CDH18: variants seen among roughly 807,000 people sequenced by gnomAD.
The protein encoded by CDH18 is cadherin-18.
In CDH18, 31 loss-of-function variants were observed where a neutral mutation model predicts 67.9. The ratio of observed to expected loss-of-function variants is 0.46; its 90% CI spans 0.34 to 0.62. CDH18 has a LOEUF of 0.62. CDH18 is among the 20% of genes least tolerant of loss of function. The probability of loss-of-function intolerance (pLI) is 0.01; values close to 1 mark genes in which losing one functional copy is unlikely to be tolerated. For missense variants in CDH18, 890 were observed against 975.5 expected, an observed-to-expected ratio of 0.91 and a Z score of 1.17; for synonymous variants, 362 against 347.2, an observed-to-expected ratio of 1.04 and a Z score of -0.48.
At chr5:19,783,962 T>C (rs1775414866) in intron 3 of CDH18, among the ~76,000 whole-genome samples, 1 of 152,126 alleles carries the variant, frequency 6.6e-6, no homozygotes. Context: ...GCCCTTTATA[T>C]ACAAAAATCC....
intron 1 of CDH18, among the ~76,000 whole-genome samples, chr5:20,526,474 A>G (rs980820665): frequency 1.3e-5 from 2 of 152,020 alleles, no homozygotes; most frequent in Non-Finnish European, 2.9e-5. Flanking sequence ...AGATCTCCCA[A>G]CAGGGGTTTC....
intron 10 of CDH18, among the ~76,000 whole-genome samples, chr5:19,514,181 G>C (rs1479479669): frequency 6.6e-6 from 1 of 151,870 alleles, no homozygotes; most frequent in Non-Finnish European, 1.5e-5. Flanking sequence ...GGAACTCATC[G>C]TTTTTATGGC....
intron 1 of CDH18, among the ~76,000 whole-genome samples, chr5:20,544,402 T>C (rs531679549): frequency 1.3e-5 from 2 of 152,264 alleles, no homozygotes; most frequent in South Asian, 4.1e-4. Flanking sequence ...ATATATATCA[T>C]ATTAATCTGT....
chr5:19,969,010 A>T (rs1364319641), intron 2 of CDH18, among the ~76,000 whole-genome samples: 1 of 135,498 alleles, frequency 7.4e-6, no homozygotes, highest in Non-Finnish European at 1.5e-5. Flanking sequence ...AAAAACAAAC[A>T]ACCCCATCAA....
intron 2 of CDH18, among the ~76,000 whole-genome samples, chr5:19,844,413 T>C (rs1359729851): frequency 6.6e-6 from 1 of 152,136 alleles, no homozygotes; most frequent in Middle Eastern, 3.2e-3. Flanking sequence ...TTCTCTCTCC[T>C]GTAGACTTGT....
At chr5:19,625,157 C>T (rs1180706699) in intron 5 of CDH18, among the ~76,000 whole-genome samples, 3 of 152,170 alleles carry the variant, frequency 2.0e-5, no homozygotes, top group East Asian at 3.9e-4. Context: ...CAGGTAATTG[C>T]TGTCCTCATA....
At chr5:20,159,244 A>G (rs2126604463) in intron 2 of CDH18, among the ~76,000 whole-genome samples, 2 of 152,314 alleles carry the variant, frequency 1.3e-5, no homozygotes, top group Middle Eastern at 6.8e-3. Context: ...ATGTCTAAAA[A>G]GAAATGACTA....
intron 2 of CDH18, among the ~76,000 whole-genome samples, chr5:20,036,602 G>A (rs188135692): frequency 5.7e-4 from 87 of 152,030 alleles, no homozygotes; most frequent in African/African-American, 2.0e-3. Flanking sequence ...AGCTTAATAG[G>A]GATCCATAGT....
intron 2 of CDH18, among the ~76,000 whole-genome samples, chr5:19,900,738 C>T (rs1789860480): frequency 6.6e-6 from 1 of 152,018 alleles, no homozygotes; most frequent in Admixed American, 6.5e-5. Flanking sequence ...TAGTGTTTTG[C>T]TTATGGTTAC....
At chr5:20,064,876 C>T (rs1742836481) in intron 2 of CDH18, among the ~76,000 whole-genome samples, 1 of 152,086 alleles carries the variant, frequency 6.6e-6, no homozygotes, top group East Asian at 1.9e-4. Context: ...CTACAAAGTA[C>T]AGGACCACAT....
chr5:20,273,786 A>G (rs1745609055), intron 1 of CDH18, among the ~76,000 whole-genome samples: 1 of 152,182 alleles, frequency 6.6e-6, no homozygotes, highest in Non-Finnish European at 1.5e-5. Context: ...TATAGCAATA[A>G]CATCAAACCT....
chr5:19,562,563 T>C (rs1016183260), intron 8 of CDH18, among the ~76,000 whole-genome samples: 2 of 152,150 alleles, frequency 1.3e-5, no homozygotes, highest in Non-Finnish European at 2.9e-5. Context: ...GAAAATACTT[T>C]TAATACTTTG....
intron 3 of CDH18, among the ~76,000 whole-genome samples, chr5:19,797,148 C>T (rs1292204842): frequency 1.3e-5 from 2 of 151,854 alleles, no homozygotes; most frequent in Admixed American, 6.6e-5. Flanking sequence ...AAAAAAATTA[C>T]TTCAAATTCA....
chr5:19,724,158 T>C, intron 4 of CDH18, among the ~76,000 whole-genome samples: 1 of 152,184 alleles, frequency 6.6e-6, no homozygotes, highest in East Asian at 1.9e-4. Flanking sequence ...GGTACATTCA[T>C]ACTATGAAAT....
chr5:19,904,602 G>A (rs909505687), intron 2 of CDH18, among the ~76,000 whole-genome samples: 4 of 152,148 alleles, frequency 2.6e-5, no homozygotes, highest in Admixed American at 2.6e-4. Flanking sequence ...ATCACTCTGT[G>A]TCTAACTGCG....
At chr5:20,202,762 A>C (rs933768776) in intron 2 of CDH18, among the ~76,000 whole-genome samples, 3 of 151,850 alleles carry the variant, frequency 2.0e-5, no homozygotes, top group African/African-American at 7.3e-5. Flanking sequence ...TTTTACTTTA[A>C]TGTACATACT....
chr5:20,380,787 CAG>C lies in CDH18; in HGVS notation c.-579-125284_-579-125283del, dbSNP rs1162614074. The stretch of plus-strand genomic sequence containing the variant: ...TAAACAAAATTAAAAATGGAGTTAA[CAG>C]ATAATATTTCAAAAAGGAACAGGAT... On this transcript the variant is annotated intron_variant, in intron 1 of 14. Transcript: ENST00000507958. Among the ~76,000 whole-genome samples the C allele has an allele frequency of 2.0e-5, 3 of 152,062 alleles. No homozygotes were observed. The East Asian group carries it at 5.8e-4, about 29-fold the overall frequency.
At chr5:19,951,673 C>T (rs1288181174) in intron 2 of CDH18, among the ~76,000 whole-genome samples, 4 of 151,952 alleles carry the variant, frequency 2.6e-5, no homozygotes, top group Admixed American at 6.6e-5. Context: ...AAAATGATTG[C>T]GTTTTTAGGA....
intron 2 of CDH18, among the ~76,000 whole-genome samples, chr5:19,969,079 A>G (rs1386025572): frequency 7.1e-6 from 1 of 141,418 alleles, no homozygotes; most frequent in Non-Finnish European, 1.5e-5. Context: ...TGCAGCCAAA[A>G]TACACATGAA....
Sources: allele counts gnomAD v4.1 joint callset (sites outside exome capture counted in the v4.1 genomes callset), GRCh38; gene constraint gnomAD v4.1.1; transcripts MANE v1.5; gene names NCBI Gene and HGNC (gene_info 2026-07-23, HGNC 2026-07-21).